Variants in YEATS4 observed in about 807,000 individuals in gnomAD.
YEATS4 encodes YEATS domain-containing protein 4.
A neutral mutation model predicts 30.1 loss-of-function variants in YEATS4; 17 were observed. The ratio of observed to expected loss-of-function variants is 0.56; its 90% confidence interval spans 0.39 to 0.85. The LOEUF is 0.85. YEATS4 is among the 40% of genes least tolerant of loss of function. The pLI, the probability that YEATS4 is intolerant of heterozygous loss-of-function variation, is 0.00. For missense variants in YEATS4, 142 were observed against 268.3 expected, an observed-to-expected ratio of 0.53 and a Z score of 3.29; for synonymous variants, 85 against 87.5, an observed-to-expected ratio of 0.97 and a Z score of 0.16.
chr12:69,391,619 CCT>C (rs148652098), downstream of YEATS4, among the ~76,000 whole-genome samples: 4,644 of 152,218 alleles, frequency 0.031, 238 homozygotes, highest in African/African-American at 0.11. Context: ...TGTACAAAGG[CCT>C]CTGTGGTCTG....
At chr12:69,422,288 A>C in the YEATS4 span, among the ~76,000 whole-genome samples, 1 of 152,196 alleles carries the variant, frequency 6.6e-6, no homozygotes, top group East Asian at 1.9e-4. Context: ...AGTGAACTCT[A>C]AATAGAAGTA....
rs191413312 is a variant in YEATS4 at position 69,360,572 on chromosome 12, T to C, written c.51+549T>C. On this transcript the variant is annotated intron_variant, in intron 1 of 6. Transcript: ENST00000247843. ...GCACATGGGGAACATTCAGTAAATG[T>C]CAACTTCTTTTGTTTTTGATGAAAT... 3.2e-4 allele frequency among the ~76,000 whole-genome samples: 49 copies of C among 152,246 alleles called. 1 individual carries two copies. The Middle Eastern group carries it at 0.01, about 32-fold the overall frequency.
At chr12:69,370,835 T>A (rs769796955) in intron 5 of YEATS4, 37 bp downstream of exon 5, 4 of 1,597,640 alleles carry the variant, frequency 2.5e-6, no homozygotes, top group Admixed American at 3.6e-5. Flanking sequence ...TAAAAGCATT[T>A]GAAGTTGGAG....
intron 6 of YEATS4, among the ~76,000 whole-genome samples, chr12:69,383,847 G>A (rs548660604): frequency 2.4e-4 from 36 of 152,288 alleles, no homozygotes; most frequent in African/African-American, 8.2e-4. Flanking sequence ...AGTCTTTGAA[G>A]CAGTAACAGA....
Position 69,375,687 on chromosome 12 carries a change from G to A in YEATS4, c.514+4712G>A, listed in dbSNP as rs963565838. Among the ~76,000 whole-genome samples the A allele has an allele frequency of 5.9e-5, 9 of 152,312 alleles. 1 individual carries two copies. Among genetic ancestry groups the A allele is most frequent in the South Asian group, 4.1e-4 (2 of 4,832 alleles). On this transcript the variant is annotated intron_variant, in intron 6 of 6. Coordinates refer to ENST00000247843, the MANE Select transcript of YEATS4 (RefSeq NM_006530.4). Reference sequence around the variant, plus strand: ...AGGCCAAGGCTGGCAGATCACTCGCGGTCAGGAGCTGGAGACCAGCCCAGC... The same window carrying A: ...AGGCCAAGGCTGGCAGATCACTCGCAGTCAGGAGCTGGAGACCAGCCCAGC...
Position 69,375,903 on chromosome 12 carries a change from G to A in YEATS4, c.514+4928G>A, listed in dbSNP as rs528762992. Among the ~76,000 whole-genome samples the A allele has an allele frequency of 6.6e-5, 10 of 152,268 alleles. No individual in the cohort carries two copies. In the South Asian group the frequency reaches 1.0e-3, roughly 16 times the overall value. ...AGAGGGAGACCGCGCAGAGAGGGAG[G>A]GGGAGGGGGAGACTTCTTTCTTGAT... On this transcript the variant is annotated intron_variant, in intron 6 of 6. Transcript: ENST00000247843.
chr12:69,375,311 C>T (rs942450215), intron 6 of YEATS4, among the ~76,000 whole-genome samples: 20 of 148,430 alleles, frequency 1.3e-4, no homozygotes, highest in South Asian at 2.1e-4. Context: ...GATGGGGCGG[C>T]GGGGCAGAGG....
chr12:69,386,576 C>T (rs1382321342), intron 6 of YEATS4, among the ~76,000 whole-genome samples: 1 of 152,098 alleles, frequency 6.6e-6, no homozygotes, highest in African/African-American at 2.4e-5. Context: ...TTTTTCTTAC[C>T]TGTTTCCTGC....
chr12:69,425,973 G>T, the YEATS4 span, among the ~76,000 whole-genome samples: 2 of 152,178 alleles, frequency 1.3e-5, no homozygotes, highest in Non-Finnish European at 2.9e-5. Flanking sequence ...GCCAGGTGTG[G>T]TGGTTCACCC....
At chr12:69,405,578 A>T in the YEATS4 span, among the ~76,000 whole-genome samples, 1 of 152,210 alleles carries the variant, frequency 6.6e-6, no homozygotes. Context: ...AAGTAAAATA[A>T]GGGTTACTTT....
rs549370034 is a variant in YEATS4 at position 69,382,029 on chromosome 12, G to A, written c.515-8118G>A. Among the ~76,000 whole-genome samples, 49 of 152,230 alleles carry A rather than the reference G, an allele frequency of 3.2e-4. No individual in the cohort carries two copies. The South Asian group carries it at 8.9e-3, about 28-fold the overall frequency. ...GCACAATGGATAAGTGAGCTTGAGA[G>A]GCTTCAAAAATTTGTTTCTTTAATT... On this transcript the variant is annotated intron_variant, in intron 6 of 6. Coordinates refer to ENST00000247843, the MANE Select transcript of YEATS4 (RefSeq NM_006530.4).
chr12:69,393,650 G>A (rs543405555), downstream of YEATS4, among the ~76,000 whole-genome samples: 28 of 152,164 alleles, frequency 1.8e-4, no homozygotes, highest in African/African-American at 6.5e-4. Flanking sequence ...TAAAGTTTTG[G>A]ATCTCAAATT....
At chr12:69,388,988 T>C (rs139140002) in intron 6 of YEATS4, among the ~76,000 whole-genome samples, 311 of 152,238 alleles carry the variant, frequency 2.0e-3, no homozygotes, top group Non-Finnish European at 3.7e-3. Flanking sequence ...AATAATATTA[T>C]GAAGTATTTG....
downstream of YEATS4, among the ~76,000 whole-genome samples, chr12:69,394,461 C>T (rs1270527499): frequency 6.6e-6 from 1 of 152,162 alleles, no homozygotes; most frequent in African/African-American, 2.4e-5. Flanking sequence ...TATGCTTCGT[C>T]TCACTAAATC....
the YEATS4 span, among the ~76,000 whole-genome samples, chr12:69,407,102 A>G: frequency 6.6e-6 from 1 of 151,430 alleles, no homozygotes. Flanking sequence ...GGTGTAAGCC[A>G]CCACACCTGG....
chr12:69,383,107 T>A (rs993675139), intron 6 of YEATS4, among the ~76,000 whole-genome samples: 8 of 152,074 alleles, frequency 5.3e-5, no homozygotes, highest in East Asian at 1.9e-4. Flanking sequence ...CAAAAAAAAT[T>A]TTTTTAATTT....
At chr12:69,360,505 G>C (rs1229141982) in intron 1 of YEATS4, among the ~76,000 whole-genome samples, 1 of 152,190 alleles carries the variant, frequency 6.6e-6, no homozygotes, top group Non-Finnish European at 1.5e-5. Context: ...GGAGTTCATG[G>C]TGTTCACAAA....
chr12:69,392,649 G>A (rs1868324822), downstream of YEATS4, among the ~76,000 whole-genome samples: 1 of 152,176 alleles, frequency 6.6e-6, no homozygotes, highest in Admixed American at 6.5e-5. Flanking sequence ...CTTGAAAGAA[G>A]ATCAAAGTAT....
chr12:69,390,045 A>C (rs544706798), intron 6 of YEATS4, 102 bp from the exon 7 acceptor site: 2 of 963,746 alleles, frequency 2.1e-6, no homozygotes, highest in African/African-American at 3.4e-5. Context: ...TCCACATTTC[A>C]TCATGGAAAC....
Sources: allele counts gnomAD v4.1 joint callset (sites outside exome capture counted in the v4.1 genomes callset), GRCh38; gene constraint gnomAD v4.1.1; transcripts MANE v1.5; gene names NCBI Gene and HGNC (gene_info 2026-07-23, HGNC 2026-07-21).